The following DUOX2 variants were observed in gnomAD, a reference collection of about 807,000 sequenced individuals.
DUOX2 encodes NADH/NADPH thyroid oxidase p138-tox.
A neutral mutation model predicts 183.3 loss-of-function variants in DUOX2; 185 were observed. That is an observed-to-expected ratio of 1.01 (90% CI 0.90 to 1.14). The LOEUF (loss-of-function observed/expected upper bound fraction) is 1.14, where lower values mean the gene tolerates loss of function less well. Among genes scored for constraint, DUOX2 ranks in the 50% most tolerant of loss-of-function variants. The probability of loss-of-function intolerance (pLI) is 0.00; values close to 1 mark genes in which losing one functional copy is unlikely to be tolerated. For missense variants in DUOX2, 1,999 were observed against 2,022.9 expected, an observed-to-expected ratio of 0.99 and a Z score of 0.23; for synonymous variants, 788 against 812.4, an observed-to-expected ratio of 0.97 and a Z score of 0.51.
intron 16 of DUOX2, 89 bp from the exon 17 acceptor site, chr15:45,106,416 G>A (rs767490526): frequency 2.7e-5 from 43 of 1,579,500 alleles, no homozygotes; most frequent in African/African-American, 5.4e-5. Context: ...CTGAGCAGGC[G>A]CCCTAAAGGT....
rs1291549758 is a variant in DUOX2, at chr15:45,100,825, C to T, written c.2935G>A (p.Gly979Arg). The T allele has an allele frequency of 1.4e-5, 23 of 1,611,690 alleles. 1 individual carries two copies. Among genetic ancestry groups the T allele is most frequent in the Non-Finnish European group, 1.5e-5 (18 of 1,178,044 alleles). Residue 979 changes from glycine (G) to arginine (R), a missense_variant, in exon 23 of 34, where the codon GGA becomes AGA. Gly to Arg is a moderately radical substitution (Grantham distance 125). This residue lies in a region of DUOX2 where 1,628 missense variants were observed against 1,608.6 expected (regional missense o/e 1.01). Transcript: ENST00000389039. Reference sequence around the variant, plus strand: ...GCTTCTGGGGCAGGGGGCCCCAGTCCCTGGGGGTGGGAGCTGAGAAAAAGA... The same window carrying T: ...GCTTCTGGGGCAGGGGGCCCCAGTCTCTGGGGGTGGGAGCTGAGAAAAAGA... ...RTPGERSHPQ[G>R]LGPPAPEAPE... is the part of the protein sequence containing the mutation.
intron 16 of DUOX2, 42 bp downstream of exon 16, chr15:45,106,486 C>A (rs753396650): frequency 6.2e-7 from 1 of 1,607,240 alleles, no homozygotes. Context: ...TGTCTCTCCC[C>A]TCCTCCGTCC....
chr15:45,110,419 C>T lies in DUOX2; in HGVS notation c.1040+9G>A. On this transcript the variant is annotated intron_variant, in intron 9 of 33. Coordinates refer to ENST00000389039, the MANE Select transcript of DUOX2 (RefSeq NM_001363711.2). ...GTGTGGTGCCCCTCTCTGCCAACCC[C>T]TCCCTCACCTCATGTAGACACCAGG... 3 of 1,612,440 alleles carry T rather than the reference C, an allele frequency of 1.9e-6. No individual in the cohort carries two copies. The highest frequency in any genetic ancestry group is 2.5e-6 in the Non-Finnish European group (3 of 1,178,842).
In DUOX2 at chr15:45,111,161, C is replaced by T; in HGVS notation, c.832G>A (p.Asp278Asn). 7.8e-7 allele frequency: 1 copy of T among 1,288,214 alleles called. No homozygotes were observed. The highest frequency in any genetic ancestry group is 1.1e-6 in the Non-Finnish European group (1 of 942,560). 79.8% of individuals were successfully genotyped at this position (1,288,214 alleles called of 1,614,324 possible). ...RLARQHPDWE[D>N]EELFQHARKR... ...CGTGCGTGCTGGAACAGCTCCTCGT[C>T]CTCCCAGTCTGGGTGCTGGCGGGCC... is the stretch of plus-strand genomic sequence containing the variant. The change falls in exon 7 of 34, where the codon GAC (aspartate) becomes AAC (asparagine). Residue 278 changes from aspartate (D) to asparagine (N), a missense_variant. By Grantham distance (23) the Asp-to-Asn change is conservative. Coordinates refer to ENST00000389039, the MANE Select transcript of DUOX2 (RefSeq NM_001363711.2).
In DUOX2 at chr15:45,105,732, T is replaced by C. The variant is rs761325730; in HGVS notation, c.2245A>G (p.Met749Val). ...RWALGLHVAEMSEKELFRKAV... is the reference protein window; with the variant it reads ...RWALGLHVAEVSEKELFRKAV... The stretch of plus-strand genomic sequence containing the variant: ...TTCCTAAATAGCTCCTTCTCGCTCA[T>C]CTCAGCCACATGGAGGCCCAGAGCC... Residue 749 changes from methionine (M) to valine (V), a missense_variant, in exon 18 of 34, where the codon ATG becomes GTG. This residue lies in a region of DUOX2 where 1,628 missense variants were observed against 1,608.6 expected (regional missense o/e 1.01). Coordinates refer to ENST00000389039, the MANE Select transcript of DUOX2 (RefSeq NM_001363711.2). The C allele has an allele frequency of 3.7e-6, 6 of 1,614,236 alleles. No homozygotes were observed. In the East Asian group the frequency reaches 1.3e-4, roughly 36 times the overall value.
At chr15:45,106,004 G>A (rs767569828) in intron 17 of DUOX2, 121 bp downstream of exon 17, 29 of 1,398,514 alleles carry the variant, frequency 2.1e-5, no homozygotes, top group Middle Eastern at 4.8e-4. Context: ...TCTGAAAGGA[G>A]CCCCTCTCCC....
At position 45,095,606 on chromosome 15, in the gene DUOX2, A is replaced by AG; in HGVS notation, c.4081-12dup. 6.2e-7 allele frequency: 1 copy of AG among 1,614,018 alleles called. No homozygotes were observed. Among genetic ancestry groups the AG allele is most frequent in the Non-Finnish European group, 8.5e-7 (1 of 1,179,990 alleles). On this transcript the variant is annotated splice_polypyrimidine_tract_variant and intron_variant, in intron 30 of 33. Transcript: ENST00000389039. ...TCCATCAAGGTACAGCTGCCAAGAGAGGGGGGAGATGAAATGAGCCTGACC... is the reference window on the plus strand; with the variant it reads ...TCCATCAAGGTACAGCTGCCAAGAGAGGGGGGGAGATGAAATGAGCCTGACC...
Position 45,106,626 on chromosome 15 carries a change from G to A in DUOX2, c.1847C>T (p.Ser616Phe). ...CCLPLVSLLL[S>F]GVVAYFRGRE... The stretch of plus-strand genomic sequence containing the variant: ...GCCCCGGAAATAGGCCACCACTCCA[G>A]AGAGAAGCAGACTCACTGAAGTGGA... The change falls in exon 16 of 34, where the codon TCT becomes TTT. Residue 616 changes from serine (S) to phenylalanine (F), a missense_variant. Transcript: ENST00000389039. 9.3e-6 allele frequency: 15 copies of A among 1,614,192 alleles called. No individual in the cohort carries two copies. Among genetic ancestry groups the A allele is most frequent in the Non-Finnish European group, 1.2e-5 (14 of 1,180,042 alleles).
chr15:45,105,955 G>A, intron 17 of DUOX2, 127 bp from the exon 18 acceptor site: 1 of 1,422,824 alleles, frequency 7.0e-7, no homozygotes, highest in Non-Finnish European at 9.7e-7. Context: ...GCTGGGGCCA[G>A]GTGTGTGGAC....
chr15:45,105,849 A>G (rs755027722), intron 17 of DUOX2, 21 bp from the exon 18 acceptor site: 6 of 1,613,592 alleles, frequency 3.7e-6, no homozygotes, highest in African/African-American at 1.3e-5. Context: ...GGAAGGCGGC[A>G]CTGACGCAGG....
At position 45,099,545 on chromosome 15, in the gene DUOX2, G is replaced by A; in HGVS notation, c.3416-63C>T. On this transcript the variant is annotated intron_variant, in intron 25 of 33. Coordinates refer to ENST00000389039, the MANE Select transcript of DUOX2 (RefSeq NM_001363711.2). ...ACAGACTCTACCTCCGATCCTGAGG[G>A]AGAGAGGAGGCATAGGGAGGAGAGA... The A allele has an allele frequency of 5.7e-6, 9 of 1,576,550 alleles. 1 individual carries two copies. The highest frequency in any genetic ancestry group is 7.8e-6 in the Non-Finnish European group (9 of 1,147,446).
intron 31 of DUOX2, 48 bp downstream of exon 31, chr15:45,095,389 A>T: frequency 6.2e-7 from 1 of 1,612,878 alleles, no homozygotes; most frequent in Non-Finnish European, 8.5e-7. Context: ...TGCGGGTCAC[A>T]ATTCGGCCAC....
chr15:45,098,317 T>A (rs1893962850), intron 26 of DUOX2, among the ~76,000 whole-genome samples: 2 of 152,228 alleles, frequency 1.3e-5, no homozygotes, highest in South Asian at 4.1e-4. Context: ...CCCTGGTTCA[T>A]TATTCTGTAA....
intron 17 of DUOX2, 62 bp from the exon 18 acceptor site, chr15:45,105,890 C>G: frequency 1.2e-6 from 2 of 1,601,708 alleles, no homozygotes; most frequent in Non-Finnish European, 1.7e-6. Flanking sequence ...TTCAGCCTCC[C>G]CTCAATGGAT....
chr15:45,097,154 G>T, intron 29 of DUOX2, 84 bp downstream of exon 29: 2 of 1,594,716 alleles, frequency 1.3e-6, no homozygotes, highest in Non-Finnish European at 1.7e-6. Context: ...CAGTGATGGG[G>T]TCAGGAGACC....
Position 45,104,030 on chromosome 15 carries a change from G to C in DUOX2, c.2584C>G (p.Leu862Val), listed in dbSNP as rs767903976. ...TCCAGGTCATACATGGTAAACATTA[G>C]ACGGGACTTATCCTCTGGGGAGCCT... ...MKGSPEDKSR[L>V]MFTMYDLDEN... Residue 862 changes from leucine (L) to valine (V), a missense_variant, in exon 20 of 34, where the codon CTA (leucine) becomes GTA (valine). This residue lies in a region of DUOX2 where 1,628 missense variants were observed against 1,608.6 expected (regional missense o/e 1.01). Coordinates refer to ENST00000389039, the MANE Select transcript of DUOX2 (RefSeq NM_001363711.2). The C allele has an allele frequency of 6.2e-6, 10 of 1,614,152 alleles. 1 individual carries two copies. The South Asian group carries it at 1.1e-4, about 18-fold the overall frequency.
chr15:45,097,622 A>G lies in DUOX2; in HGVS notation c.3685T>C (p.Tyr1229His). ...WLTHHLYILL[Y>H]ALLIIHGSYA... ...CCAGGGAAGTCCCTCACCAGGGCAT[A>G]GAGCAGGATGTAGAGGTGGTGGGTC... Residue 1229 changes from tyrosine to histidine, a missense_variant, in exon 28 of 34, where the codon TAT (tyrosine) becomes CAT (histidine). By Grantham distance (83) the Tyr-to-His change is moderately conservative. This residue lies in a region of DUOX2 where 1,628 missense variants were observed against 1,608.6 expected (regional missense o/e 1.01). Coordinates refer to ENST00000389039, the MANE Select transcript of DUOX2 (RefSeq NM_001363711.2). The G allele has an allele frequency of 6.2e-7, 1 of 1,614,224 alleles. No homozygotes were observed. The highest frequency in any genetic ancestry group is 8.5e-7 in the Non-Finnish European group (1 of 1,180,034).
At chr15:45,107,093 A>G in intron 14 of DUOX2, 124 bp from the exon 15 acceptor site, 1 of 1,413,810 alleles carries the variant, frequency 7.1e-7, no homozygotes, top group South Asian at 1.2e-5. Context: ...CCTCCCTGAA[A>G]CTGTCTCCCT....
At chr15:45,109,729 C>G in intron 10 of DUOX2, 103 bp from the exon 11 acceptor site, 1 of 1,370,824 alleles carries the variant, frequency 7.3e-7, no homozygotes, top group East Asian at 2.3e-5. Context: ...TTGGCCAGTC[C>G]CAGACTCTCT....
Sources: gnomAD v4.1 joint callset for allele counts (sites outside exome capture counted in the v4.1 genomes callset) on GRCh38, gnomAD v4.1.1 for gene constraint, gnomAD v4.1.1 regional missense constraint, MANE v1.5 for transcripts, NCBI Gene and HGNC (gene_info 2026-07-23, HGNC 2026-07-21) for gene names.